CRAMP1: variants seen among roughly 807,000 people sequenced by gnomAD.
CRAMP1 encodes cramped chromatin regulator 1.
Under a neutral mutation model 115.4 loss-of-function variants are expected in CRAMP1, and 50 were observed. The ratio of observed to expected loss-of-function variants is 0.43; its 90% CI spans 0.35 to 0.55. CRAMP1 has a LOEUF of 0.55. Among genes scored for constraint, CRAMP1 ranks in the 20% least tolerant of loss-of-function variants. The pLI, the probability that CRAMP1 is intolerant of heterozygous loss-of-function variation, is 0.01. For synonymous variants in CRAMP1, 866 were observed against 745.4 expected, an observed-to-expected ratio of 1.16 and a Z score of -2.64; for missense variants, 1,679 against 1,721.7, an observed-to-expected ratio of 0.98 and a Z score of 0.44.
At chr16:1,658,661 C>T (rs1049416222) in intron 10 of CRAMP1, among the ~76,000 whole-genome samples, 1 of 152,112 alleles carries the variant, frequency 6.6e-6, no homozygotes, top group African/African-American at 2.4e-5. Context: ...CCCAAAAGGC[C>T]CGAGCCCCAG....
chr16:1,632,465 A>G, intron 4 of CRAMP1, 100 bp downstream of exon 4: 8 of 1,223,690 alleles, frequency 6.5e-6, no homozygotes, highest in Non-Finnish European at 9.0e-6. Flanking sequence ...GCTTTCTGGC[A>G]TTTTCTCACC....
At chr16:1,651,762 AC>A in intron 6 of CRAMP1, among the ~76,000 whole-genome samples, 1 of 149,024 alleles carries the variant, frequency 6.7e-6, no homozygotes, top group Non-Finnish European at 1.5e-5. Flanking sequence ...AGAGAGGTGG[AC>A]TGAGGTCACA....
At chr16:1,667,560 A>G (rs1352130681) in intron 17 of CRAMP1, 160 bp downstream of exon 17, 5 of 650,560 alleles carry the variant, frequency 7.7e-6, no homozygotes, top group Non-Finnish European at 1.4e-5. Flanking sequence ...CCCAGGGTGG[A>G]TAAATGAATA....
rs117305868 is a variant in CRAMP1, at chr16:1,626,236, G to A, written c.540+70G>A. 485 of 1,349,076 alleles carry A rather than the reference G, an allele frequency of 3.6e-4. 4 individuals are homozygous for A. The East Asian group carries it at 0.011, about 31-fold the overall frequency. The allele number at this position is 1,349,076 out of a possible 1,614,324, so 83.6% of individuals were successfully genotyped here. A position where few individuals can be genotyped will look rare whatever the true frequency, so the allele number is the denominator to read the frequency against. Reference sequence around the variant, plus strand: ...CTCGGATCCCTGCCCTCCGTTCCCCGTGCTTCCTCTTTGCTGTTAGATTCT... The same window carrying A: ...CTCGGATCCCTGCCCTCCGTTCCCCATGCTTCCTCTTTGCTGTTAGATTCT... On this transcript the variant is annotated intron_variant, in intron 3 of 20. Coordinates refer to ENST00000397412, the MANE Select transcript of CRAMP1 (RefSeq NM_020825.4).
In CRAMP1 at chr16:1,625,980, A is replaced by AGGT; in HGVS notation, c.360_362dup (p.Gly121dup). 6.4e-7 allele frequency: 1 copy of AGGT among 1,551,612 alleles called. No homozygotes were observed. Among genetic ancestry groups the AGGT allele is most frequent in the African/African-American group, 1.4e-5 (1 of 73,162 alleles). ...CGGTGCTTTCTCTCCAAGGAGCTGAAGGTGGTGGATCATCGTCTGGAAATG... is the reference window on the plus strand; with the variant it reads ...CGGTGCTTTCTCTCCAAGGAGCTGAAGGTGGTGGTGGATCATCGTCTGGAAATG... On this transcript the variant is annotated inframe_insertion, in exon 3 of 21. Transcript: ENST00000397412.
chr16:1,623,413 C>G (rs1185287087), intron 2 of CRAMP1, among the ~76,000 whole-genome samples: 1 of 152,260 alleles, frequency 6.6e-6, no homozygotes, highest in African/African-American at 2.4e-5. Context: ...TTTACTGTTT[C>G]ACTCTCCTTG....
At chr16:1,624,201 G>T (rs2142172051) in intron 2 of CRAMP1, among the ~76,000 whole-genome samples, 1 of 150,702 alleles carries the variant, frequency 6.6e-6, no homozygotes, top group Admixed American at 6.6e-5. Context: ...TGCCCAGACT[G>T]GTGTGCAATG....
chr16:1,638,892 C>T (rs960743365), intron 5 of CRAMP1, among the ~76,000 whole-genome samples: 1 of 151,952 alleles, frequency 6.6e-6, no homozygotes, highest in Non-Finnish European at 1.5e-5. Flanking sequence ...AGGCCCTGCC[C>T]TCCTGCACTT....
chr16:1,657,053 G>A, intron 10 of CRAMP1, 61 bp downstream of exon 10: 1 of 1,400,950 alleles, frequency 7.1e-7, no homozygotes, highest in Non-Finnish European at 9.4e-7. Context: ...CAGCCTTGGA[G>A]GGCTCCCTGC....
chr16:1,641,770 C>T (rs2036634166), intron 6 of CRAMP1, among the ~76,000 whole-genome samples: 1 of 152,186 alleles, frequency 6.6e-6, no homozygotes, highest in Non-Finnish European at 1.5e-5. Flanking sequence ...CCCCGCCACC[C>T]TACTCCACAG....
intron 3 of CRAMP1, among the ~76,000 whole-genome samples, chr16:1,626,929 G>A (rs907567321): frequency 1.3e-5 from 2 of 152,128 alleles, no homozygotes; most frequent in Non-Finnish European, 2.9e-5. Context: ...CCACTGCAGT[G>A]GCATAGTTGA....
Position 1,656,420 on chromosome 16 carries a change from C to A in CRAMP1, c.1663C>A (p.Leu555Ile). The A allele has an allele frequency of 6.3e-7, 1 of 1,587,798 alleles. No homozygotes were observed. The highest frequency in any genetic ancestry group is 2.3e-5 in the East Asian group (1 of 43,258). Residue 555 changes from leucine to isoleucine, a missense_variant, in exon 10 of 21, where the codon CTC (leucine) becomes ATC (isoleucine). Leu to Ile is a conservative substitution (Grantham distance 5). This residue lies in a region of CRAMP1 where 405 missense variants were observed against 302.6 expected (regional missense o/e 1.34). Transcript: ENST00000397412. The surrounding 1 kb of genome is among the most constrained non-coding windows in gnomAD (Gnocchi z 5.6). ...CGQLPDLEDE[L>I]SLLDPLPRYL... is the part of the protein sequence containing the mutation. ...CCAGCTCCCAGACCTGGAGGACGAG[C>A]TCTCGCTTCTAGACCCCTTGCCCCG...
chr16:1,652,642 G>A, intron 7 of CRAMP1, 61 bp downstream of exon 7: 2 of 1,435,112 alleles, frequency 1.4e-6, no homozygotes, highest in South Asian at 2.5e-5. Flanking sequence ...ATTCAATGAT[G>A]GGCAGGCTGA....
At chr16:1,619,592 A>T (rs1250253805) in intron 2 of CRAMP1, among the ~76,000 whole-genome samples, 2 of 152,242 alleles carry the variant, frequency 1.3e-5, no homozygotes, top group East Asian at 1.9e-4. Context: ...GGATACAATT[A>T]GAAAATCTGC....
At chr16:1,643,297 C>A (rs1019840958) in intron 6 of CRAMP1, among the ~76,000 whole-genome samples, 1 of 152,162 alleles carries the variant, frequency 6.6e-6, no homozygotes, top group African/African-American at 2.4e-5. Context: ...AATCCCAGCA[C>A]TTTGGGAGGC....
At chr16:1,631,743 A>C (rs551403118) in intron 3 of CRAMP1, among the ~76,000 whole-genome samples, 1 of 152,352 alleles carries the variant, frequency 6.6e-6, no homozygotes, top group African/African-American at 2.4e-5. Context: ...CGGTTCACTT[A>C]CTAAATGCTC....
chr16:1,622,328 C>T (rs1000555356), intron 2 of CRAMP1, among the ~76,000 whole-genome samples: 3 of 152,214 alleles, frequency 2.0e-5, no homozygotes, highest in Non-Finnish European at 2.9e-5. Context: ...GCCTGAGCAA[C>T]ATGGTGAAAC....
chr16:1,628,761 G>T (rs1240379926), intron 3 of CRAMP1, among the ~76,000 whole-genome samples: 1 of 152,222 alleles, frequency 6.6e-6, no homozygotes, highest in African/African-American at 2.4e-5. Flanking sequence ...ATGCCTCCCT[G>T]GGAGGGGTGC....
chr16:1,629,836 T>C (rs1199074358), intron 3 of CRAMP1, among the ~76,000 whole-genome samples: 1 of 152,176 alleles, frequency 6.6e-6, no homozygotes, highest in East Asian at 1.9e-4. Context: ...CATTTCATTT[T>C]TGCACCCAGA....
Sources: gnomAD v4.1 joint callset for allele counts (sites outside exome capture counted in the v4.1 genomes callset) on GRCh38, gnomAD v4.1.1 for gene constraint, gnomAD v4.1.1 regional missense constraint, Gnocchi (gnomAD v3.1) non-coding constraint, MANE v1.5 for transcripts, NCBI Gene and HGNC (gene_info 2026-07-23, HGNC 2026-07-21) for gene names.